The following PHACTR1 variants were observed in gnomAD, a reference collection of about 807,000 sequenced individuals.
PHACTR1 encodes RPEL repeat containing 1.
A neutral mutation model predicts 69.2 loss-of-function variants in PHACTR1; 16 were observed. The observed-to-expected ratio is 0.23, with a 90% CI of 0.16 to 0.35. The LOEUF is 0.35. PHACTR1 is among the 10% of genes least tolerant of loss of function. The probability of loss-of-function intolerance (pLI) is 1.00; values close to 1 mark genes in which losing one functional copy is unlikely to be tolerated. For missense variants in PHACTR1, 510 were observed against 734.7 expected (o/e 0.69, Z 3.54); for synonymous variants, 312 against 284.5 (o/e 1.10, Z -0.97).
At chr6:13,049,230 C>G (rs1324580376) in intron 4 of PHACTR1, among the ~76,000 whole-genome samples, 2 of 149,960 alleles carry the variant, frequency 1.3e-5, no homozygotes, top group African/African-American at 5.1e-5. Flanking sequence ...TATGGAAAAG[C>G]GTTTCGGTTC....
chr6:13,222,883 G>A (rs999258642), intron 8 of PHACTR1, among the ~76,000 whole-genome samples: 1 of 152,160 alleles, frequency 6.6e-6, no homozygotes, highest in Non-Finnish European at 1.5e-5. Context: ...GAAAAAGCCT[G>A]GTCTAGAGCA....
intron 7 of PHACTR1, among the ~76,000 whole-genome samples, chr6:13,188,169 G>A (rs1210710228): frequency 6.6e-6 from 1 of 152,186 alleles, no homozygotes; most frequent in Non-Finnish European, 1.5e-5. Context: ...TTACTATGTA[G>A]TACCTGGTAA....
intron 4 of PHACTR1, among the ~76,000 whole-genome samples, chr6:12,959,013 C>G (rs1190183189): frequency 6.6e-6 from 1 of 151,770 alleles, no homozygotes. Flanking sequence ...CCTGTCTCTA[C>G]TAAAAATACA....
At chr6:13,189,387 T>G (rs1763210709) in intron 7 of PHACTR1, among the ~76,000 whole-genome samples, 1 of 151,834 alleles carries the variant, frequency 6.6e-6, no homozygotes, top group African/African-American at 2.4e-5. Flanking sequence ...CCACCAAAAT[T>G]CCCACCCCCC....
intron 5 of PHACTR1, among the ~76,000 whole-genome samples, chr6:13,075,377 T>G (rs1810274221): frequency 6.6e-6 from 1 of 152,128 alleles, no homozygotes; most frequent in Admixed American, 6.5e-5. Context: ...CCACTATAGC[T>G]TCCCTCAATG....
chr6:13,287,168 G>T lies in PHACTR1; in HGVS notation c.*90G>T. 5.6e-6 allele frequency: 7 copies of T among 1,245,738 alleles called. No individual in the cohort carries two copies. The highest frequency in any genetic ancestry group is 2.8e-5 in the South Asian group (2 of 72,430). The allele number at this position is 1,245,738 out of a possible 1,614,324, so 77.2% of individuals were successfully genotyped here. On this transcript the variant is annotated 3_prime_UTR_variant, in exon 15 of 15. Coordinates refer to ENST00000332995, the MANE Select transcript of PHACTR1 (RefSeq NM_030948.6). ...TGGTATTTATTCACTTCCCCATTAC[G>T]ATGTAAATCTTCTGAACTGCCTTTT...
At chr6:13,007,302 A>G (rs1230940119) in intron 4 of PHACTR1, among the ~76,000 whole-genome samples, 2 of 152,212 alleles carry the variant, frequency 1.3e-5, no homozygotes, top group Admixed American at 1.3e-4. Context: ...AAAAAGAAGA[A>G]AACATAAGGC....
chr6:13,134,315 G>C (rs1256902718), intron 5 of PHACTR1, among the ~76,000 whole-genome samples: 1 of 152,250 alleles, frequency 6.6e-6, no homozygotes, highest in African/African-American at 2.4e-5. Flanking sequence ...CATTGAGAAG[G>C]GTCCATGATG....
At chr6:13,190,198 A>ATTT (rs1215055032) in intron 7 of PHACTR1, among the ~76,000 whole-genome samples, 2 of 87,266 alleles carry the variant, frequency 2.3e-5, no homozygotes, top group Non-Finnish European at 4.2e-5. Context: ...TAATTTTTGT[A>ATTT]TTTTTTTTTT....
intron 4 of PHACTR1, among the ~76,000 whole-genome samples, chr6:12,922,269 C>G (rs189532271): frequency 2.6e-5 from 4 of 152,278 alleles, no homozygotes; most frequent in Admixed American, 2.6e-4. Flanking sequence ...AAAAATGACT[C>G]TAAGACTTCA....
rs1788038906 is a variant in PHACTR1 at position 12,924,433 on chromosome 6, G to A, written c.251-128932G>A. Among the ~76,000 whole-genome samples, 3 of 152,130 alleles carry A rather than the reference G, an allele frequency of 2.0e-5. No individual in the cohort carries two copies. The South Asian group carries it at 6.2e-4, about 32-fold the overall frequency. On this transcript the variant is annotated intron_variant, in intron 4 of 14. Coordinates refer to ENST00000332995, the MANE Select transcript of PHACTR1 (RefSeq NM_030948.6). ...ACTGATTTGCCCATCTTTTGGCAAT[G>A]CACTAATTTCCATGAACTCTTAATG...
At chr6:13,232,850 G>A (rs539591319) in intron 10 of PHACTR1, among the ~76,000 whole-genome samples, 7 of 152,206 alleles carry the variant, frequency 4.6e-5, no homozygotes, top group Non-Finnish European at 8.8e-5. Context: ...AAGAGAAGGA[G>A]CAGATCTTTT....
At chr6:12,785,710 C>T (rs1402268491) in intron 4 of PHACTR1, among the ~76,000 whole-genome samples, 1 of 152,134 alleles carries the variant, frequency 6.6e-6, no homozygotes, top group Non-Finnish European at 1.5e-5. Flanking sequence ...GTAAAAGGTG[C>T]CCTCTAACAC....
intron 4 of PHACTR1, among the ~76,000 whole-genome samples, chr6:12,770,309 C>A (rs1228293152): frequency 6.6e-6 from 1 of 152,164 alleles, no homozygotes; most frequent in Non-Finnish European, 1.5e-5. Flanking sequence ...GGTAAGCATG[C>A]CCCTCGTTTT....
At chr6:13,206,934 GT>G (rs151123633) in intron 8 of PHACTR1, among the ~76,000 whole-genome samples, 2,163 of 149,592 alleles carry the variant, frequency 0.014, 24 homozygotes, top group Non-Finnish European at 0.018. Context: ...GAATCAGTTT[GT>G]TTTTTTTTTC....
intron 5 of PHACTR1, among the ~76,000 whole-genome samples, chr6:13,086,549 T>G (rs1342609635): frequency 6.6e-6 from 1 of 152,126 alleles, no homozygotes; most frequent in Non-Finnish European, 1.5e-5. Flanking sequence ...GCCAATATGA[T>G]TTTGTGCTTT....
At chr6:12,872,888 C>T (rs999080816) in intron 4 of PHACTR1, among the ~76,000 whole-genome samples, 108 of 152,150 alleles carry the variant, frequency 7.1e-4, no homozygotes, top group Admixed American at 2.6e-3. Context: ...TTTTTTAGTT[C>T]CTTCCTTACA....
At chr6:13,221,045 A>T (rs910393907) in intron 8 of PHACTR1, among the ~76,000 whole-genome samples, 13 of 152,174 alleles carry the variant, frequency 8.5e-5, no homozygotes, top group Non-Finnish European at 1.8e-4. Flanking sequence ...ACTGATTTCC[A>T]TTGGAAAAAT....
chr6:13,159,265 G>A (rs1260697288), intron 5 of PHACTR1, among the ~76,000 whole-genome samples: 1 of 152,202 alleles, frequency 6.6e-6, no homozygotes, highest in African/African-American at 2.4e-5. Context: ...CCAGCTTGGA[G>A]CCTAAGAGAA....
Sources: gnomAD v4.1 joint callset for allele counts (sites outside exome capture counted in the v4.1 genomes callset) on GRCh38, gnomAD v4.1.1 for gene constraint, MANE v1.5 for transcripts, NCBI Gene and HGNC (gene_info 2026-07-23, HGNC 2026-07-21) for gene names.